PIWIL1: variants seen among roughly 807,000 people sequenced by gnomAD.
PIWIL1 encodes the protein piwi-like protein 1.
In PIWIL1, 73 loss-of-function variants were observed where a neutral mutation model predicts 114.4. That is an observed-to-expected ratio of 0.64 (90% CI 0.53 to 0.78). PIWIL1 has a LOEUF of 0.78. Ranked by LOEUF, PIWIL1 falls within the 30% of genes least tolerant of loss-of-function variation. PIWIL1 has a pLI of 0.00. For synonymous variants in PIWIL1, 375 were observed against 369.0 expected (o/e 1.02, Z -0.19); for missense variants, 723 against 1,063.1 (o/e 0.68, Z 4.45).
the PIWIL1 span, among the ~76,000 whole-genome samples, chr12:130,382,971 T>G: frequency 6.6e-6 from 1 of 152,238 alleles, no homozygotes; most frequent in Non-Finnish European, 1.5e-5. Context: ...TAAGTGCATT[T>G]TAGGAACTTT....
the PIWIL1 span, chr12:130,399,605 C>T: frequency 6.7e-7 from 1 of 1,502,292 alleles, no homozygotes; most frequent in East Asian, 2.3e-5. Flanking sequence ...ATAAAAATAT[C>T]AGTGCAAAGA....
downstream of PIWIL1, among the ~76,000 whole-genome samples, chr12:130,373,276 T>C (rs1422997644): frequency 6.6e-6 from 1 of 152,204 alleles, no homozygotes; most frequent in Non-Finnish European, 1.5e-5. Context: ...ATCATACGAC[T>C]GGAAAATATT....
chr12:130,408,776 G>A, the PIWIL1 span, among the ~76,000 whole-genome samples: 1 of 152,178 alleles, frequency 6.6e-6, no homozygotes, highest in African/African-American at 2.4e-5. Flanking sequence ...CATTTGATTT[G>A]GGGAATTCCA....
At chr12:130,389,786 C>G in the PIWIL1 span, among the ~76,000 whole-genome samples, 1 of 152,102 alleles carries the variant, frequency 6.6e-6, no homozygotes, top group Non-Finnish European at 1.5e-5. Context: ...TCTTTTCTTC[C>G]TATCTAACAT....
At chr12:130,423,992 G>T in the PIWIL1 span, 1 of 419,018 alleles carries the variant, frequency 2.4e-6, no homozygotes. Context: ...GAAGCAAATC[G>T]GACTTGAGAA....
At chr12:130,375,454 T>C (rs1449379047), downstream of PIWIL1, among the ~76,000 whole-genome samples, 1 of 152,180 alleles carries the variant, frequency 6.6e-6, no homozygotes, top group Non-Finnish European at 1.5e-5. Flanking sequence ...TCTATTTTGC[T>C]AAAAATCCAG....
At chr12:130,415,163 G>A in the PIWIL1 span, among the ~76,000 whole-genome samples, 1 of 152,150 alleles carries the variant, frequency 6.6e-6, no homozygotes, top group Non-Finnish European at 1.5e-5. Context: ...TAAAATACTA[G>A]CAAACTGAAT....
chr12:130,360,028 G>A (rs1483874407), intron 14 of PIWIL1, among the ~76,000 whole-genome samples: 1 of 152,140 alleles, frequency 6.6e-6, no homozygotes, highest in African/African-American at 2.4e-5. Flanking sequence ...CACATTGTGG[G>A]GTATCGAGTG....
At chr12:130,424,203 G>A in the PIWIL1 span, 13 of 1,231,890 alleles carry the variant, frequency 1.1e-5, no homozygotes, top group Non-Finnish European at 1.3e-5. This position sits in a 1 kb window ranked among gnomAD's most constrained non-coding sequence, Gnocchi z 9.8. Flanking sequence ...CCTACTGTCG[G>A]GCATGGTTAT....
chr12:130,425,010 G>T, the PIWIL1 span: 2 of 426,012 alleles, frequency 4.7e-6, no homozygotes, highest in Admixed American at 4.4e-5. Context: ...GGGGCATGCC[G>T]TGGAGGGCTC....
chr12:130,390,668 G>T, the PIWIL1 span, among the ~76,000 whole-genome samples: 3 of 152,200 alleles, frequency 2.0e-5, no homozygotes, highest in African/African-American at 7.2e-5. Flanking sequence ...AGGATCTCAT[G>T]TCTTGTTTCC....
chr12:130,340,340 G>A (rs1308246360), intron 1 of PIWIL1, among the ~76,000 whole-genome samples: 2 of 152,120 alleles, frequency 1.3e-5, no homozygotes, highest in African/African-American at 4.8e-5. Flanking sequence ...TTTGGCACCA[G>A]GGACCGATTT....
At chr12:130,422,961 A>T in the PIWIL1 span, among the ~76,000 whole-genome samples, 4 of 152,288 alleles carry the variant, frequency 2.6e-5, no homozygotes, top group South Asian at 6.2e-4. This position sits in a 1 kb window ranked among gnomAD's most constrained non-coding sequence, Gnocchi z 5.2. Flanking sequence ...AAAGTGGGGA[A>T]GATGTTGCAG....
At chr12:130,373,226 C>T (rs2073841739), downstream of PIWIL1, among the ~76,000 whole-genome samples, 1 of 152,112 alleles carries the variant, frequency 6.6e-6, no homozygotes, top group Non-Finnish European at 1.5e-5. Context: ...GTAGAAGTTG[C>T]TTAAGGTTGT....
rs575267937 is a variant in PIWIL1 at position 130,360,582 on chromosome 12, G to A, written c.1666-598G>A. Reference sequence around the variant, plus strand: ...TGGGAGGCGGAGGTTGCAGTGAGCCGAGATCGCACCACTGCATTCCAGCCT... The same window carrying A: ...TGGGAGGCGGAGGTTGCAGTGAGCCAAGATCGCACCACTGCATTCCAGCCT... On this transcript the variant is annotated intron_variant, in intron 14 of 20. Coordinates refer to ENST00000245255, the MANE Select transcript of PIWIL1 (RefSeq NM_004764.5). Among the ~76,000 whole-genome samples, 17 of 152,138 alleles carry A rather than the reference G, an allele frequency of 1.1e-4. No homozygotes were observed. In the East Asian group the frequency reaches 2.3e-3, roughly 21 times the overall value.
At chr12:130,404,458 C>G in the PIWIL1 span, among the ~76,000 whole-genome samples, 1 of 152,112 alleles carries the variant, frequency 6.6e-6, no homozygotes, top group Non-Finnish European at 1.5e-5. Context: ...CCACCACGCC[C>G]GGCTAATTCT....
chr12:130,394,401 A>G, the PIWIL1 span, among the ~76,000 whole-genome samples: 8,651 of 152,146 alleles, frequency 0.057, 828 homozygotes, highest in African/African-American at 0.2. Flanking sequence ...TTTTTTCTTT[A>G]CCCATATGAA....
chr12:130,414,429 G>T, the PIWIL1 span: 1 of 921,986 alleles, frequency 1.1e-6, no homozygotes. Flanking sequence ...TCTTTTTTGT[G>T]TCTTAACATG....
chr12:130,382,877 A>T, the PIWIL1 span, among the ~76,000 whole-genome samples: 1 of 152,346 alleles, frequency 6.6e-6, no homozygotes, highest in South Asian at 2.1e-4. Flanking sequence ...TTTTATTTTT[A>T]AAACCAATTT....
Sources: allele counts gnomAD v4.1 joint callset (sites outside exome capture counted in the v4.1 genomes callset), GRCh38; gene constraint gnomAD v4.1.1; non-coding constraint Gnocchi (gnomAD v3.1); transcripts MANE v1.5; gene names NCBI Gene and HGNC (gene_info 2026-07-23, HGNC 2026-07-21).